The following ZFPM2 variants were observed in gnomAD, a reference collection of about 807,000 sequenced individuals.
The protein encoded by ZFPM2 is zinc finger protein ZFPM2.
A neutral mutation model predicts 98.6 loss-of-function variants in ZFPM2; 20 were observed. That is an observed-to-expected ratio of 0.20 (90% CI 0.14 to 0.29). The LOEUF (loss-of-function observed/expected upper bound fraction) is 0.29. Ranked by LOEUF, ZFPM2 falls within the 10% of genes least tolerant of loss-of-function variation. The pLI, the probability that ZFPM2 is intolerant of heterozygous loss-of-function variation, is 1.00. For missense variants in ZFPM2, 1,310 were observed against 1,388.6 expected, an observed-to-expected ratio of 0.94 and a Z score of 0.90; for synonymous variants, 518 against 502.7, an observed-to-expected ratio of 1.03 and a Z score of -0.41.
intron 3 of ZFPM2, among the ~76,000 whole-genome samples, chr8:105,511,747 C>T (rs181120146): frequency 6.6e-6 from 1 of 152,106 alleles, no homozygotes; most frequent in East Asian, 1.9e-4. Context: ...AACATTATAC[C>T]CTGAACTCTT....
intron 1 of ZFPM2, among the ~76,000 whole-genome samples, chr8:105,353,590 A>G (rs1812688840): frequency 1.3e-5 from 2 of 152,164 alleles, no homozygotes; most frequent in Admixed American, 1.3e-4. Context: ...TTTTTTGGCT[A>G]CATCTCCAGA....
intron 1 of ZFPM2, among the ~76,000 whole-genome samples, chr8:105,381,568 G>A (rs1212148636): frequency 6.6e-6 from 1 of 152,082 alleles, no homozygotes. Flanking sequence ...CATTCTTACT[G>A]AGATTCCCCA....
At chr8:105,647,275 T>A (rs1817066016) in intron 5 of ZFPM2, among the ~76,000 whole-genome samples, 1 of 152,214 alleles carries the variant, frequency 6.6e-6, no homozygotes. Flanking sequence ...TTTTCTTCTT[T>A]ACTGTCGTTT....
intron 4 of ZFPM2, among the ~76,000 whole-genome samples, chr8:105,578,859 G>A (rs1815525054): frequency 6.6e-6 from 1 of 152,028 alleles, no homozygotes; most frequent in Non-Finnish European, 1.5e-5. Context: ...TAAAAGAGAG[G>A]TACCTTCATA....
intron 3 of ZFPM2, among the ~76,000 whole-genome samples, chr8:105,543,238 C>A (rs1398021608): frequency 6.6e-6 from 1 of 152,190 alleles, no homozygotes; most frequent in Non-Finnish European, 1.5e-5. Flanking sequence ...GTAATCCCAG[C>A]ATTTTGGGAG....
chr8:105,578,059 G>A (rs1815506555), intron 4 of ZFPM2, among the ~76,000 whole-genome samples: 1 of 151,986 alleles, frequency 6.6e-6, no homozygotes, highest in Admixed American at 6.6e-5. Context: ...TTATCATTAC[G>A]AAGTATTGCT....
intron 5 of ZFPM2, among the ~76,000 whole-genome samples, chr8:105,752,642 T>TA (rs940130543): frequency 2.6e-5 from 4 of 152,164 alleles, no homozygotes; most frequent in Admixed American, 2.6e-4. Context: ...AATCTGTTTT[T>TA]AAAATTAACC....
chr8:105,450,819 A>G (rs1812470385), intron 3 of ZFPM2, among the ~76,000 whole-genome samples: 2 of 152,136 alleles, frequency 1.3e-5, no homozygotes, highest in African/African-American at 4.8e-5. Context: ...GGGGTAAAAA[A>G]TAAATCTTCT....
chr8:105,694,132 GC>G (rs926168847), intron 5 of ZFPM2, among the ~76,000 whole-genome samples: 14 of 151,282 alleles, frequency 9.3e-5, no homozygotes, highest in Non-Finnish European at 1.8e-4. Context: ...GACTACAGGC[GC>G]CTGTCACTAC....
intron 5 of ZFPM2, among the ~76,000 whole-genome samples, chr8:105,777,240 A>G (rs1273080230): frequency 6.6e-6 from 1 of 152,244 alleles, no homozygotes; most frequent in Non-Finnish European, 1.5e-5. Context: ...AAGGCTGCTT[A>G]CAGAAGAGCT....
At chr8:105,508,040 A>G (rs755769312) in intron 3 of ZFPM2, among the ~76,000 whole-genome samples, 1 of 152,226 alleles carries the variant, frequency 6.6e-6, no homozygotes, top group African/African-American at 2.4e-5. Flanking sequence ...CCAAGGAAAG[A>G]AAAGGTCTTC....
intron 3 of ZFPM2, among the ~76,000 whole-genome samples, chr8:105,474,577 A>G (rs1812976389): frequency 6.6e-6 from 1 of 152,240 alleles, no homozygotes; most frequent in South Asian, 2.1e-4. Flanking sequence ...AGTTATCTTA[A>G]AAACTATAAC....
intron 3 of ZFPM2, among the ~76,000 whole-genome samples, chr8:105,502,490 AAGG>A (rs1387705939): frequency 2.0e-5 from 3 of 152,296 alleles, no homozygotes; most frequent in Admixed American, 6.5e-5. Context: ...AAAAGAAAAG[AAGG>A]AGAAGAAGAA....
At chr8:105,535,221 C>CTGTT (rs899176306) in intron 3 of ZFPM2, among the ~76,000 whole-genome samples, 2 of 152,266 alleles carry the variant, frequency 1.3e-5, no homozygotes, top group African/African-American at 4.8e-5. Context: ...GAAAGACTGT[C>CTGTT]TGTTTCCCAA....
At chr8:105,644,756 C>T (rs1413919402) in intron 5 of ZFPM2, among the ~76,000 whole-genome samples, 1 of 152,074 alleles carries the variant, frequency 6.6e-6, no homozygotes, top group East Asian at 1.9e-4. Flanking sequence ...TGGATGGGCA[C>T]CTTCTTGCTG....
intron 5 of ZFPM2, among the ~76,000 whole-genome samples, chr8:105,663,118 T>C (rs1229400670): frequency 2.6e-5 from 4 of 152,296 alleles, no homozygotes; most frequent in Admixed American, 6.5e-5. Context: ...TGCTTTCTTA[T>C]CCTTTAAAAT....
intron 2 of ZFPM2, among the ~76,000 whole-genome samples, chr8:105,442,612 G>C (rs1341876340): frequency 6.6e-6 from 1 of 152,130 alleles, no homozygotes; most frequent in African/African-American, 2.4e-5. Flanking sequence ...GGATTCAGTG[G>C]TGTGGTTTAT....
intron 1 of ZFPM2, among the ~76,000 whole-genome samples, chr8:105,380,647 A>ATATATATATATATATATAACATATATAT (rs1810836965): frequency 1.4e-4 from 2 of 13,906 alleles, no homozygotes; most frequent in South Asian, 1.5e-3. Flanking sequence ...TATATATATT[A>ATATATATATATATATATAACATATATAT]TATATATATA....
At chr8:105,696,111 G>T (rs1324089134) in intron 5 of ZFPM2, among the ~76,000 whole-genome samples, 1 of 152,124 alleles carries the variant, frequency 6.6e-6, no homozygotes. Context: ...GGCACACATG[G>T]ATCTACCTTA....
Sources: gnomAD v4.1 joint callset for allele counts (sites outside exome capture counted in the v4.1 genomes callset) on GRCh38, gnomAD v4.1.1 for gene constraint, MANE v1.5 for transcripts, NCBI Gene and HGNC (gene_info 2026-07-23, HGNC 2026-07-21) for gene names.